Variants in NELL1 observed in about 807,000 individuals in gnomAD.
The protein encoded by NELL1 is protein kinase C-binding protein NELL1.
A neutral mutation model predicts 107.4 loss-of-function variants in NELL1; 76 were observed. The ratio of observed to expected loss-of-function variants is 0.71; its 90% confidence interval spans 0.59 to 0.86. The LOEUF (loss-of-function observed/expected upper bound fraction) is 0.86, where lower values mean the gene tolerates loss of function less well. Ranked by LOEUF, NELL1 falls within the 40% of genes least tolerant of loss-of-function variation. The pLI is 0.00. For missense variants in NELL1, 1,024 were observed against 1,005.5 expected (o/e 1.02, Z -0.25); for synonymous variants, 353 against 341.2 (o/e 1.03, Z -0.38).
At chr11:21,033,824 C>T (rs1853022425) in intron 12 of NELL1, among the ~76,000 whole-genome samples, 1 of 152,166 alleles carries the variant, frequency 6.6e-6, no homozygotes, top group Non-Finnish European at 1.5e-5. Context: ...ATACTGTCTT[C>T]CACAATGGTG....
At chr11:21,230,900 AT>A (rs1339115215) in intron 14 of NELL1, among the ~76,000 whole-genome samples, 2 of 152,174 alleles carry the variant, frequency 1.3e-5, no homozygotes, top group African/African-American at 4.8e-5. Context: ...CTTGAAATTT[AT>A]TCTAAAAAAG....
intron 11 of NELL1, among the ~76,000 whole-genome samples, chr11:20,951,303 T>A (rs1390779263): frequency 6.6e-6 from 1 of 151,798 alleles, no homozygotes; most frequent in Non-Finnish European, 1.5e-5. Context: ...ATGAAGTTAA[T>A]TTTTTTTTAA....
intron 11 of NELL1, among the ~76,000 whole-genome samples, chr11:20,954,264 T>C (rs891428042): frequency 2.0e-5 from 3 of 152,286 alleles, no homozygotes; most frequent in African/African-American, 7.2e-5. Flanking sequence ...TAATTATTGC[T>C]GTTATTACAT....
chr11:20,974,735 CA>C (rs1438883428), intron 12 of NELL1, among the ~76,000 whole-genome samples: 1 of 152,098 alleles, frequency 6.6e-6, no homozygotes, highest in Non-Finnish European at 1.5e-5. Flanking sequence ...AAATCTATAG[CA>C]GACTGGGTGA....
At chr11:21,314,864 C>CTTTTTT (rs750358102) in intron 14 of NELL1, among the ~76,000 whole-genome samples, 2 of 144,718 alleles carry the variant, frequency 1.4e-5, no homozygotes, top group African/African-American at 5.1e-5. Flanking sequence ...AGCAAGAGGG[C>CTTTTTT]TTTTTTTTTT....
intron 13 of NELL1, among the ~76,000 whole-genome samples, chr11:21,165,631 T>C (rs1016389391): frequency 1.3e-5 from 2 of 149,400 alleles, no homozygotes; most frequent in African/African-American, 5.2e-5. Context: ...CTCATGTTTA[T>C]TGCTACACTA....
intron 15 of NELL1, among the ~76,000 whole-genome samples, chr11:21,428,790 C>A (rs1431411154): frequency 2.0e-5 from 3 of 152,070 alleles, no homozygotes; most frequent in Non-Finnish European, 4.4e-5. Flanking sequence ...TAAAATATAG[C>A]CCTAAAGCTA....
At chr11:21,064,508 C>T (rs955183194) in intron 12 of NELL1, among the ~76,000 whole-genome samples, 5 of 152,058 alleles carry the variant, frequency 3.3e-5, no homozygotes, top group African/African-American at 1.2e-4. Context: ...TTGAGTAGTC[C>T]AAGGTAAGAC....
chr11:21,253,591 C>G (rs58199245), intron 14 of NELL1, among the ~76,000 whole-genome samples: 2,401 of 152,190 alleles, frequency 0.016, 72 homozygotes, highest in African/African-American at 0.055. Flanking sequence ...ATGTATTGCT[C>G]ATAAAGGCAA....
intron 5 of NELL1, among the ~76,000 whole-genome samples, chr11:20,897,599 G>T (rs1590392838): frequency 6.6e-6 from 1 of 152,072 alleles, no homozygotes; most frequent in African/African-American, 2.4e-5. Context: ...CTTCTGCACA[G>T]CAAAAGAAAC....
chr11:20,825,483 C>T (rs1438004300), intron 3 of NELL1, among the ~76,000 whole-genome samples: 1 of 151,434 alleles, frequency 6.6e-6, no homozygotes, highest in Non-Finnish European at 1.5e-5. Context: ...CCACCTCTTG[C>T]ATCTGTGTGA....
At chr11:21,099,826 C>T (rs1408770891) in intron 12 of NELL1, among the ~76,000 whole-genome samples, 2 of 152,102 alleles carry the variant, frequency 1.3e-5, no homozygotes, top group African/African-American at 4.8e-5. Context: ...TGCCTGTTTT[C>T]TTGTCCTCTG....
At chr11:20,986,452 C>T (rs996374072) in intron 12 of NELL1, among the ~76,000 whole-genome samples, 1 of 152,166 alleles carries the variant, frequency 6.6e-6, no homozygotes, top group Non-Finnish European at 1.5e-5. Context: ...CTTGTGCACC[C>T]TTGGCAACTG....
intron 15 of NELL1, among the ~76,000 whole-genome samples, chr11:21,510,854 A>C (rs922502858): frequency 8.5e-5 from 13 of 152,102 alleles, no homozygotes; most frequent in Non-Finnish European, 1.6e-4. Flanking sequence ...GCTATTCTTT[A>C]TCTCTCCTTT....
chr11:20,895,019 C>T (rs1425741245), intron 5 of NELL1, among the ~76,000 whole-genome samples: 2 of 143,232 alleles, frequency 1.4e-5, no homozygotes, highest in East Asian at 3.9e-4. Flanking sequence ...CGCCTGTAAT[C>T]CCAGCACTTT....
chr11:21,389,628 C>G (rs949557512), intron 15 of NELL1, among the ~76,000 whole-genome samples: 5 of 151,792 alleles, frequency 3.3e-5, no homozygotes, highest in African/African-American at 7.2e-5. Flanking sequence ...TTCCAACACT[C>G]CAGGTCAGTT....
rs555940033 is a variant in NELL1 at position 21,158,747 on chromosome 11, G to C, written c.1426+45033G>C. 1.1e-4 allele frequency among the ~76,000 whole-genome samples: 16 copies of C among 152,232 alleles called. No individual in the cohort carries two copies. The South Asian group carries it at 3.1e-3, about 30-fold the overall frequency. ...ACTTCCTTTAAGTAGGACTGAGTGGGCAAGCAGTTTTATTTTGTTCAGCTG... is the reference window on the plus strand; with the variant it reads ...ACTTCCTTTAAGTAGGACTGAGTGGCCAAGCAGTTTTATTTTGTTCAGCTG... On this transcript the variant is annotated intron_variant, in intron 13 of 19. Coordinates refer to ENST00000357134, the MANE Select transcript of NELL1 (RefSeq NM_006157.5).
chr11:21,502,073 T>C (rs1855158570), intron 15 of NELL1, among the ~76,000 whole-genome samples: 1 of 152,204 alleles, frequency 6.6e-6, no homozygotes, highest in African/African-American at 2.4e-5. Context: ...CCTAGTGACC[T>C]CTGAAGATTT....
chr11:21,228,425 C>G (rs902469214), intron 13 of NELL1, among the ~76,000 whole-genome samples: 2 of 152,110 alleles, frequency 1.3e-5, no homozygotes, highest in African/African-American at 4.8e-5. Context: ...ATTCTGAACC[C>G]TATGAAAGTG....
Sources: allele counts gnomAD v4.1 joint callset (sites outside exome capture counted in the v4.1 genomes callset), GRCh38; gene constraint gnomAD v4.1.1; transcripts MANE v1.5; gene names NCBI Gene and HGNC (gene_info 2026-07-23, HGNC 2026-07-21).